Variants in CDK17 observed in about 807,000 individuals in gnomAD.
The protein encoded by CDK17 is cyclin dependent kinase 17, also known as cyclin-dependent kinase 17.
A neutral mutation model predicts 77.6 loss-of-function variants in CDK17; 24 were observed. The ratio of observed to expected loss-of-function variants is 0.31; its 90% CI spans 0.22 to 0.44. The LOEUF (loss-of-function observed/expected upper bound fraction) is 0.44. Among genes scored for constraint, CDK17 ranks in the 20% least tolerant of loss-of-function variants. The pLI is 1.00. For synonymous variants in CDK17, 203 were observed against 210.4 expected (o/e 0.96, Z 0.30); for missense variants, 429 against 622.5 (o/e 0.69, Z 3.31).
chr12:96,322,353 A>C (rs1231474520), intron 3 of CDK17, among the ~76,000 whole-genome samples: 1 of 152,238 alleles, frequency 6.6e-6, no homozygotes, highest in African/African-American at 2.4e-5. Flanking sequence ...AGGGTCTAGA[A>C]CAAGTGTGGC....
intron 2 of CDK17, among the ~76,000 whole-genome samples, chr12:96,326,429 C>G (rs1426358000): frequency 6.6e-6 from 1 of 152,182 alleles, no homozygotes; most frequent in Non-Finnish European, 1.5e-5. Context: ...GGAAAGTTCT[C>G]TCTGCTGAGA....
In CDK17 at chr12:96,400,243, G is replaced by T; in HGVS notation, c.-287C>A. On this transcript the variant is annotated 5_prime_UTR_variant, in exon 1 of 17. Transcript: ENST00000261211. ...AACATGGCTCCCGCGCCGACGAGCC[G>T]CGCGGACGGCCCACTAATCCCCTCG... is the stretch of plus-strand genomic sequence containing the variant. 1 of 393,912 alleles carries T rather than the reference G, an allele frequency of 2.5e-6. No individual in the cohort carries two copies. Among genetic ancestry groups the T allele is most frequent in the Non-Finnish European group, 4.5e-6 (1 of 222,882 alleles). 24.4% of individuals were successfully genotyped at this position (393,912 alleles called of 1,614,324 possible).
chr12:96,355,873 T>A (rs1453278797), intron 1 of CDK17, among the ~76,000 whole-genome samples: 1 of 152,214 alleles, frequency 6.6e-6, no homozygotes, highest in Non-Finnish European at 1.5e-5. Context: ...AATACTAACA[T>A]AGTACTAGAG....
intron 1 of CDK17, among the ~76,000 whole-genome samples, chr12:96,382,734 C>T (rs1434874905): frequency 6.6e-6 from 1 of 152,122 alleles, no homozygotes; most frequent in East Asian, 1.9e-4. Flanking sequence ...TGATTCACCA[C>T]TAAAACAGAA....
chr12:96,343,556 T>C (rs1338701063), intron 1 of CDK17, among the ~76,000 whole-genome samples: 1 of 152,224 alleles, frequency 6.6e-6, no homozygotes, highest in East Asian at 1.9e-4. Context: ...CTGGAAGATC[T>C]AATAAGACAG....
intron 11 of CDK17, among the ~76,000 whole-genome samples, chr12:96,288,754 A>G (rs1952278651): frequency 1.3e-5 from 2 of 152,200 alleles, no homozygotes; most frequent in Non-Finnish European, 2.9e-5. Context: ...GTTCAAGTTA[A>G]AGCAGAAAGA....
chr12:96,321,827 G>A (rs1952819897), intron 3 of CDK17, among the ~76,000 whole-genome samples: 2 of 114,766 alleles, frequency 1.7e-5, no homozygotes, highest in Non-Finnish European at 3.6e-5. Context: ...GGGGAGGGGG[G>A]AGGGATAGCA....
chr12:96,330,511 C>T (rs780710773), intron 2 of CDK17, among the ~76,000 whole-genome samples: 1 of 152,150 alleles, frequency 6.6e-6, no homozygotes, highest in Non-Finnish European at 1.5e-5. Flanking sequence ...TACACAATAA[C>T]CAGTCACTCC....
At chr12:96,330,397 A>T (rs1005048232) in intron 2 of CDK17, among the ~76,000 whole-genome samples, 1 of 152,176 alleles carries the variant, frequency 6.6e-6, no homozygotes, top group African/African-American at 2.4e-5. Context: ...AACATTAACC[A>T]TTTTAAAGTA....
In CDK17 at chr12:96,283,648, A is replaced by T; in HGVS notation, c.1323-3T>A. On this transcript the variant is annotated splice_region_variant and splice_polypyrimidine_tract_variant and intron_variant, in intron 13 of 16. Transcript: ENST00000261211. ...ACTCAATTCCTTCAGAGTCTAACCTAGAAACAACAAAGAACAAGTAAAAAT... is the reference window on the plus strand; with the variant it reads ...ACTCAATTCCTTCAGAGTCTAACCTTGAAACAACAAAGAACAAGTAAAAAT... 1 of 1,593,190 alleles carries T rather than the reference A, an allele frequency of 6.3e-7. No individual in the cohort carries two copies. Among genetic ancestry groups the T allele is most frequent in the Non-Finnish European group, 8.6e-7 (1 of 1,163,452 alleles).
At chr12:96,369,179 T>C (rs973222818) in intron 1 of CDK17, among the ~76,000 whole-genome samples, 5 of 152,152 alleles carry the variant, frequency 3.3e-5, no homozygotes, top group Non-Finnish European at 5.9e-5. Context: ...TATATCTATA[T>C]ACATATCTTT....
chr12:96,367,683 G>A (rs1038302607), intron 1 of CDK17, among the ~76,000 whole-genome samples: 2 of 152,002 alleles, frequency 1.3e-5, no homozygotes, highest in Non-Finnish European at 2.9e-5. Flanking sequence ...CACAGCAGAA[G>A]CAAAGTTGAA....
intron 1 of CDK17, among the ~76,000 whole-genome samples, chr12:96,398,604 G>A (rs1417750804): frequency 6.6e-6 from 1 of 152,166 alleles, no homozygotes; most frequent in Non-Finnish European, 1.5e-5. Context: ...CTTCTCACAC[G>A]AACGCCTTTT....
At chr12:96,395,180 A>C (rs1173902532) in intron 1 of CDK17, among the ~76,000 whole-genome samples, 1 of 152,116 alleles carries the variant, frequency 6.6e-6, no homozygotes, top group Non-Finnish European at 1.5e-5. Flanking sequence ...CGCCCATATA[A>C]ATGTTTTAAA....
chr12:96,292,506 G>C (rs369542029), intron 10 of CDK17, among the ~76,000 whole-genome samples: 1 of 152,086 alleles, frequency 6.6e-6, no homozygotes, highest in African/African-American at 2.4e-5. Flanking sequence ...TTGGGAGGCT[G>C]AGGCACCAGA....
In CDK17 at chr12:96,302,192, A is replaced by C. The variant is rs147282002; in HGVS notation, c.544-1832T>G. The stretch of plus-strand genomic sequence containing the variant: ...TATCAATAACTATGCAAAATAAAGA[A>C]GTAAAACTACAATAGATAACATTTT... On this transcript the variant is annotated intron_variant, in intron 5 of 16. Coordinates refer to ENST00000261211, the MANE Select transcript of CDK17 (RefSeq NM_002595.5). Among the ~76,000 whole-genome samples the C allele has an allele frequency of 5.7e-4, 87 of 152,278 alleles. No homozygotes were observed. In the East Asian group the frequency reaches 0.016, roughly 29 times the overall value.
rs775203809 is a variant in CDK17, at chr12:96,295,072, C to T, written c.924G>A (p.Lys308=). 15 of 1,611,708 alleles carry T rather than the reference C, an allele frequency of 9.3e-6. No individual in the cohort carries two copies. In the South Asian group the frequency reaches 1.7e-4, roughly 18 times the overall value. The part of the protein sequence containing the change: ...LRGLAYCHRR[K]VLHRDLKPQN... ...GTGGTTTCAAGTCTCGATGCAATAC[C>T]TTTCTTCTATGGCAATATGCCAAAC... Residue 308 remains lysine, a synonymous_variant, in exon 10 of 17, where the codon AAG becomes AAA. Coordinates refer to ENST00000261211, the MANE Select transcript of CDK17 (RefSeq NM_002595.5).
chr12:96,360,896 C>T (rs1183829472), intron 1 of CDK17, among the ~76,000 whole-genome samples: 1 of 152,164 alleles, frequency 6.6e-6, no homozygotes, highest in Non-Finnish European at 1.5e-5. Context: ...GTAATTTTAA[C>T]AGACAATTTA....
intron 1 of CDK17, among the ~76,000 whole-genome samples, chr12:96,351,558 T>C (rs1383054255): frequency 1.3e-5 from 2 of 152,236 alleles, no homozygotes; most frequent in Non-Finnish European, 2.9e-5. Flanking sequence ...ACAAATATTA[T>C]ATGATTCTAC....
Sources: gnomAD v4.1 joint callset for allele counts (sites outside exome capture counted in the v4.1 genomes callset) on GRCh38, gnomAD v4.1.1 for gene constraint, MANE v1.5 for transcripts, NCBI Gene and HGNC (gene_info 2026-07-23, HGNC 2026-07-21) for gene names.